The following ULK4 variants were observed in gnomAD, a reference collection of about 807,000 sequenced individuals.
ULK4 encodes unc-51 like kinase 4.
ULK4 carries 133 observed loss-of-function variants against 160.6 expected under a neutral mutation model. The ratio of observed to expected loss-of-function variants is 0.83; its 90% CI spans 0.72 to 0.96. The LOEUF (loss-of-function observed/expected upper bound fraction) is 0.96. Among genes scored for constraint, ULK4 ranks in the 40% least tolerant of loss-of-function variants. The probability of loss-of-function intolerance (pLI) is 0.00; values close to 1 mark genes in which losing one functional copy is unlikely to be tolerated. For synonymous variants in ULK4, 534 were observed against 539.8 expected, an observed-to-expected ratio of 0.99 and a Z score of 0.15; for missense variants, 1,580 against 1,499.5, an observed-to-expected ratio of 1.05 and a Z score of -0.89.
At chr3:41,927,411 C>G (rs1323513429) in intron 5 of ULK4, among the ~76,000 whole-genome samples, 1 of 152,094 alleles carries the variant, frequency 6.6e-6, no homozygotes, top group Non-Finnish European at 1.5e-5. Flanking sequence ...TTGTAAAGAC[C>G]ATCAACACTG....
At chr3:41,771,681 C>A (rs2039384150) in intron 21 of ULK4, among the ~76,000 whole-genome samples, 1 of 152,032 alleles carries the variant, frequency 6.6e-6, no homozygotes, top group South Asian at 2.1e-4. Flanking sequence ...CACCACCACA[C>A]ACACAAACCC....
chr3:41,804,652 T>A (rs1296798707), intron 19 of ULK4, among the ~76,000 whole-genome samples: 1 of 152,118 alleles, frequency 6.6e-6, no homozygotes, highest in Non-Finnish European at 1.5e-5. Flanking sequence ...CTTGAATTAA[T>A]TTTTGTGTAA....
chr3:41,700,689 A>G (rs2036644102), intron 27 of ULK4, among the ~76,000 whole-genome samples: 2 of 152,224 alleles, frequency 1.3e-5, no homozygotes, highest in Admixed American at 6.5e-5. Flanking sequence ...AACAATACTC[A>G]GGCCTCCAAG....
chr3:41,380,905 C>T (rs560515681), intron 35 of ULK4, among the ~76,000 whole-genome samples: 14 of 152,256 alleles, frequency 9.2e-5, no homozygotes, highest in Admixed American at 2.6e-4. Flanking sequence ...GCTTTTCCCG[C>T]GTGATATGCT....
At chr3:41,659,168 T>C (rs1167374450) in intron 30 of ULK4, among the ~76,000 whole-genome samples, 1 of 152,186 alleles carries the variant, frequency 6.6e-6, no homozygotes, top group Non-Finnish European at 1.5e-5. Flanking sequence ...GAAATGTAAA[T>C]TGGTACAACC....
intron 35 of ULK4, among the ~76,000 whole-genome samples, chr3:41,333,456 T>C (rs2080489060): frequency 6.8e-6 from 1 of 147,136 alleles, no homozygotes; most frequent in African/African-American, 2.6e-5. Context: ...TACTGGGCAC[T>C]GGCTTGGGGA....
intron 31 of ULK4, among the ~76,000 whole-genome samples, chr3:41,584,469 A>G (rs1225447979): frequency 6.6e-6 from 1 of 152,080 alleles, no homozygotes; most frequent in East Asian, 1.9e-4. Context: ...TTAATTAATT[A>G]GTAGAGATGA....
At chr3:41,277,600 A>T (rs1325378689) in intron 35 of ULK4, among the ~76,000 whole-genome samples, 1 of 152,150 alleles carries the variant, frequency 6.6e-6, no homozygotes, top group East Asian at 1.9e-4. Context: ...ACATACCTCA[A>T]TGTAATAAAA....
chr3:41,791,521 C>T (rs1166891934), intron 20 of ULK4, among the ~76,000 whole-genome samples: 1 of 152,120 alleles, frequency 6.6e-6, no homozygotes, highest in African/African-American at 2.4e-5. Context: ...AGGACTTTTT[C>T]CAGATGCTTC....
At chr3:41,489,705 C>G (rs2084677899) in intron 32 of ULK4, among the ~76,000 whole-genome samples, 1 of 152,132 alleles carries the variant, frequency 6.6e-6, no homozygotes, top group Admixed American at 6.6e-5. Flanking sequence ...CACTAACACA[C>G]TCTAAGATCT....
At chr3:41,946,162 A>G (rs554142217) in intron 2 of ULK4, among the ~76,000 whole-genome samples, 2 of 152,332 alleles carry the variant, frequency 1.3e-5, no homozygotes, top group Non-Finnish European at 2.9e-5. Context: ...TCCCGTATGT[A>G]TATTTTACTT....
intron 29 of ULK4, 44 bp downstream of exon 29, chr3:41,681,464 A>G (rs2035918988): frequency 6.2e-7 from 1 of 1,606,964 alleles, no homozygotes; most frequent in African/African-American, 1.3e-5. Flanking sequence ...AGCTTCCTGG[A>G]TAGCCTACAC....
In ULK4 at chr3:41,586,853, AAAATCATTT is replaced by A. The variant is rs1176940435; in HGVS notation, c.3121-20732_3121-20724del. 3.3e-5 allele frequency among the ~76,000 whole-genome samples: 5 copies of A among 152,306 alleles called. No individual in the cohort carries two copies. In the East Asian group the frequency reaches 9.6e-4, roughly 29 times the overall value. On this transcript the variant is annotated intron_variant, in intron 31 of 36. Coordinates refer to ENST00000301831, the MANE Select transcript of ULK4 (RefSeq NM_017886.4). ...GTGAATTTATTCAAATTAACTGTAA[AAAATCATTT>A]AAAAGACATTGAAAATTTGAACATT... is the stretch of plus-strand genomic sequence containing the variant.
chr3:41,506,172 C>T (rs2085366621), intron 32 of ULK4, among the ~76,000 whole-genome samples: 4 of 152,096 alleles, frequency 2.6e-5, no homozygotes, highest in Admixed American at 2.6e-4. Context: ...TATTAATCTA[C>T]ATTACAGCTT....
At chr3:41,676,670 T>C (rs1195059190) in intron 29 of ULK4, among the ~76,000 whole-genome samples, 1 of 152,162 alleles carries the variant, frequency 6.6e-6, no homozygotes, top group Non-Finnish European at 1.5e-5. Context: ...ATCCCTATCT[T>C]GGTTATTAAT....
In ULK4 at chr3:41,671,583, A is replaced by G. The variant is rs77503633; in HGVS notation, c.2979-7884T>C. Among the ~76,000 whole-genome samples, 817 of 152,200 alleles carry G rather than the reference A, an allele frequency of 5.4e-3. 25 individuals are homozygous for G. The East Asian group carries it at 0.086, about 16-fold the overall frequency. ...GACCTGTCTCTCATCATATATAATC[A>G]CAATAAAGACATAAGACCTGAAAGT... On this transcript the variant is annotated intron_variant, in intron 29 of 36. Transcript: ENST00000301831.
In ULK4 at chr3:41,494,837, CAA is replaced by C. The variant is rs2084926973; in HGVS notation, c.3227-31586_3227-31585del. ...AGTGAACTCCCATTCACAATTGCTT[CAA>C]AGAGAATAAAATACTTAGGAATCCA... On this transcript the variant is annotated intron_variant, in intron 32 of 36. Transcript: ENST00000301831. Among the ~76,000 whole-genome samples the C allele has an allele frequency of 2.6e-5, 4 of 152,020 alleles. No homozygotes were observed. In the South Asian group the frequency reaches 8.3e-4, roughly 32 times the overall value.
intron 17 of ULK4, among the ~76,000 whole-genome samples, chr3:41,850,313 T>C (rs1251283578): frequency 6.6e-6 from 1 of 152,232 alleles, no homozygotes; most frequent in Non-Finnish European, 1.5e-5. Flanking sequence ...TTACAATCCT[T>C]TGGGTATATA....
chr3:41,588,956 A>G (rs2031044440), intron 31 of ULK4, among the ~76,000 whole-genome samples: 1 of 152,144 alleles, frequency 6.6e-6, no homozygotes, highest in African/African-American at 2.4e-5. Flanking sequence ...AGTGTTGTTG[A>G]TGTTCAGCCA....
Sources: gnomAD v4.1 joint callset for allele counts (sites outside exome capture counted in the v4.1 genomes callset) on GRCh38, gnomAD v4.1.1 for gene constraint, MANE v1.5 for transcripts, NCBI Gene and HGNC (gene_info 2026-07-23, HGNC 2026-07-21) for gene names.